The following CACNG2 variants were observed in gnomAD, a reference collection of about 807,000 sequenced individuals.
The protein encoded by CACNG2 is voltage-dependent calcium channel gamma-2 subunit.
CACNG2 carries 3 observed loss-of-function variants against 25.9 expected under a neutral mutation model. That is an observed-to-expected ratio of 0.12 (90% CI 0.05 to 0.30). CACNG2 has a LOEUF of 0.30. CACNG2 is among the 10% of genes least tolerant of loss of function. The pLI is 1.00. For missense variants in CACNG2, 341 were observed against 432.5 expected (o/e 0.79, Z 1.88); for synonymous variants, 167 against 173.3 (o/e 0.96, Z 0.29).
intron 1 of CACNG2, among the ~76,000 whole-genome samples, chr22:36,615,450 G>C (rs1936008088): frequency 6.6e-6 from 1 of 152,188 alleles, no homozygotes. Flanking sequence ...ACAACAAGCA[G>C]ACTTCCCCTC....
intron 1 of CACNG2, among the ~76,000 whole-genome samples, chr22:36,659,176 C>T (rs978680506): frequency 3.9e-5 from 6 of 152,066 alleles, no homozygotes; most frequent in African/African-American, 1.4e-4. Context: ...ATTTCTATGG[C>T]ATTATTAAGG....
intron 1 of CACNG2, among the ~76,000 whole-genome samples, chr22:36,591,848 G>A (rs1456385133): frequency 1.3e-5 from 2 of 151,914 alleles, no homozygotes; most frequent in African/African-American, 4.8e-5. Flanking sequence ...CTGGGGATGG[G>A]CAGACATGGT....
At chr22:36,627,101 C>T (rs558701683) in intron 1 of CACNG2, among the ~76,000 whole-genome samples, 45 of 152,318 alleles carry the variant, frequency 3.0e-4, no homozygotes, top group African/African-American at 1.1e-3. Context: ...AGGCTTGAGA[C>T]AGTAAACTAG....
intron 1 of CACNG2, among the ~76,000 whole-genome samples, chr22:36,672,126 G>A (rs993623329): frequency 8.5e-5 from 13 of 152,090 alleles, no homozygotes; most frequent in Non-Finnish European, 1.2e-4. Flanking sequence ...TGGGAAGCCA[G>A]GAAGGGGCCC....
chr22:36,654,794 A>G (rs1468976797), intron 1 of CACNG2, among the ~76,000 whole-genome samples: 3 of 152,222 alleles, frequency 2.0e-5, no homozygotes, highest in African/African-American at 7.2e-5. Context: ...TCAGATTATT[A>G]CATTTCTTTT....
At chr22:36,701,585 C>T (rs575764621) in intron 1 of CACNG2, among the ~76,000 whole-genome samples, 6 of 150,968 alleles carry the variant, frequency 4.0e-5, no homozygotes, top group Admixed American at 6.6e-5. Context: ...ATTCTCAAGC[C>T]GGCTGCAATG....
At chr22:36,646,508 G>A (rs1936526467) in intron 1 of CACNG2, among the ~76,000 whole-genome samples, 1 of 152,074 alleles carries the variant, frequency 6.6e-6, no homozygotes, top group South Asian at 2.1e-4. Context: ...AGTTACATTT[G>A]TTTTTTAAAA....
At chr22:36,588,849 C>T (rs61151928) in intron 1 of CACNG2, among the ~76,000 whole-genome samples, 5,554 of 152,190 alleles carry the variant, frequency 0.036, 334 homozygotes, top group African/African-American at 0.13. Flanking sequence ...CTACTGTGAC[C>T]TAATTAATAC....
intron 1 of CACNG2, among the ~76,000 whole-genome samples, chr22:36,679,193 C>T (rs45527433): frequency 0.026 from 1,284 of 48,888 alleles, 8 homozygotes; most frequent in Admixed American, 0.054. Context: ...TTCCTTCCTT[C>T]CTTCCTTTCT....
intron 1 of CACNG2, among the ~76,000 whole-genome samples, chr22:36,669,508 C>CAAA (rs1157379465): frequency 5.7e-4 from 35 of 61,614 alleles, no homozygotes; most frequent in Admixed American, 1.4e-3. Flanking sequence ...ACTCTATCTC[C>CAAA]AAAAAAAAAA....
intron 1 of CACNG2, among the ~76,000 whole-genome samples, chr22:36,660,060 A>G (rs1936767618): frequency 6.6e-6 from 1 of 152,196 alleles, no homozygotes; most frequent in Non-Finnish European, 1.5e-5. Flanking sequence ...GTACCCGCAC[A>G]AGCCGGGGCC....
At chr22:36,641,703 T>C (rs1243794584) in intron 1 of CACNG2, among the ~76,000 whole-genome samples, 4 of 152,192 alleles carry the variant, frequency 2.6e-5, no homozygotes, top group East Asian at 1.9e-4. Context: ...ATTCTAATAA[T>C]ATGAACAGAA....
intron 1 of CACNG2, among the ~76,000 whole-genome samples, chr22:36,700,204 G>A (rs1449847378): frequency 2.6e-5 from 4 of 152,228 alleles, no homozygotes; most frequent in Non-Finnish European, 4.4e-5. Context: ...AGGGAGAGAG[G>A]GAGTGTGCAG....
chr22:36,643,486 A>G (rs200721232), intron 1 of CACNG2, among the ~76,000 whole-genome samples: 10,054 of 125,326 alleles, frequency 0.08, 572 homozygotes, highest in East Asian at 0.28. Flanking sequence ...CTATCTATCT[A>G]TCTATCTATC....
chr22:36,614,870 C>G (rs528934705), intron 1 of CACNG2, among the ~76,000 whole-genome samples: 1 of 152,160 alleles, frequency 6.6e-6, no homozygotes, highest in Non-Finnish European at 1.5e-5. Context: ...GGCTTATGTC[C>G]GTGGACTTAC....
chr22:36,647,336 C>T (rs6000362), intron 1 of CACNG2, among the ~76,000 whole-genome samples: 20,901 of 152,060 alleles, frequency 0.14, 3,846 homozygotes, highest in African/African-American at 0.42. Context: ...TGGCTCACAC[C>T]TGTAATCCCA....
At chr22:36,692,364 C>G (rs1937277186) in intron 1 of CACNG2, among the ~76,000 whole-genome samples, 1 of 152,190 alleles carries the variant, frequency 6.6e-6, no homozygotes, top group Admixed American at 6.5e-5. Flanking sequence ...TCCGCAAAGG[C>G]AAACCCAGGG....
intron 2 of CACNG2, among the ~76,000 whole-genome samples, chr22:36,569,273 C>T (rs1935184991): frequency 6.6e-6 from 1 of 152,104 alleles, no homozygotes; most frequent in Admixed American, 6.5e-5. Context: ...AATTTACAGA[C>T]AAGAAAATTG....
intron 1 of CACNG2, among the ~76,000 whole-genome samples, chr22:36,696,729 A>G (rs1937347119): frequency 6.6e-6 from 1 of 152,358 alleles, no homozygotes; most frequent in East Asian, 1.9e-4. Flanking sequence ...AGGGGGATGG[A>G]TGAGGAGTGC....
Sources: gnomAD v4.1 joint callset for allele counts (sites outside exome capture counted in the v4.1 genomes callset) on GRCh38, gnomAD v4.1.1 for gene constraint, MANE v1.5 for transcripts, NCBI Gene and HGNC (gene_info 2026-07-23, HGNC 2026-07-21) for gene names.